The following NRG1 variants were observed in gnomAD, a reference collection of about 807,000 sequenced individuals.
The protein encoded by NRG1 is pro-neuregulin-1, membrane-bound isoform.
NRG1 carries 18 observed loss-of-function variants against 63.8 expected under a neutral mutation model. The ratio of observed to expected loss-of-function variants is 0.28; its 90% confidence interval spans 0.19 to 0.42. The LOEUF (loss-of-function observed/expected upper bound fraction) is 0.42. Among genes scored for constraint, NRG1 ranks in the 10% least tolerant of loss-of-function variants. The probability of loss-of-function intolerance (pLI) is 1.00; values close to 1 mark genes in which losing one functional copy is unlikely to be tolerated. For synonymous variants in NRG1, 302 were observed against 301.3 expected (o/e 1.00, Z -0.02); for missense variants, 762 against 814.7 (o/e 0.94, Z 0.79).
intron 1 of NRG1, among the ~76,000 whole-genome samples, chr8:32,117,856 C>T (rs539486517): frequency 2.6e-5 from 4 of 152,110 alleles, no homozygotes; most frequent in South Asian, 2.1e-4. Flanking sequence ...AATATGCTTC[C>T]GGAAAAAAAG....
chr8:31,803,199 C>A (rs995741812), intron 1 of NRG1, among the ~76,000 whole-genome samples: 2 of 152,036 alleles, frequency 1.3e-5, no homozygotes, highest in African/African-American at 4.8e-5. Context: ...CTATTTTCTC[C>A]AAATGTTGAG....
intron 1 of NRG1, among the ~76,000 whole-genome samples, chr8:32,367,929 T>A (rs1808298673): frequency 1.3e-5 from 2 of 152,184 alleles, no homozygotes; most frequent in African/African-American, 4.8e-5. Flanking sequence ...GAAGAGACCA[T>A]CCTTTCCTCA....
chr8:31,844,147 A>G (rs2129608138), intron 1 of NRG1, among the ~76,000 whole-genome samples: 1 of 152,316 alleles, frequency 6.6e-6, no homozygotes, highest in East Asian at 1.9e-4. Flanking sequence ...GCCAGGTCCT[A>G]ACCCAAATGC....
chr8:31,674,163 T>C (rs1404963869), intron 1 of NRG1, among the ~76,000 whole-genome samples: 1 of 152,200 alleles, frequency 6.6e-6, no homozygotes, highest in Non-Finnish European at 1.5e-5. Context: ...CTACATTTTA[T>C]TTATCCATTT....
At chr8:32,030,586 G>A (rs886873682) in intron 1 of NRG1, 1 of 151,882 alleles carries the variant, frequency 6.6e-6, no homozygotes, top group Non-Finnish European at 1.5e-5. Context: ...ACCTATTAAA[G>A]AATACTCCAT....
intron 1 of NRG1, among the ~76,000 whole-genome samples, chr8:31,732,914 A>C (rs1814246431): frequency 6.6e-6 from 1 of 152,086 alleles, no homozygotes; most frequent in African/African-American, 2.4e-5. Context: ...AACAAAAAAC[A>C]AGTATATTGT....
intron 1 of NRG1, among the ~76,000 whole-genome samples, chr8:31,986,206 C>G (rs1810038539): frequency 6.6e-6 from 1 of 151,952 alleles, no homozygotes; most frequent in Admixed American, 6.6e-5. Flanking sequence ...GTAGATTTCT[C>G]AGATAAGTTG....
At chr8:32,736,838 A>G (rs1044837443) in intron 6 of NRG1, among the ~76,000 whole-genome samples, 5 of 152,190 alleles carry the variant, frequency 3.3e-5, no homozygotes, top group Non-Finnish European at 7.3e-5. Flanking sequence ...AGCCAACCCT[A>G]ACTAGAAGTT....
chr8:31,676,470 A>G (rs1807711500), intron 1 of NRG1, among the ~76,000 whole-genome samples: 1 of 152,032 alleles, frequency 6.6e-6, no homozygotes, highest in African/African-American at 2.4e-5. Flanking sequence ...TTTCCATTTC[A>G]TTCCCTATGG....
intron 1 of NRG1, among the ~76,000 whole-genome samples, chr8:31,982,655 C>G (rs1278784132): frequency 1.3e-5 from 2 of 151,984 alleles, no homozygotes; most frequent in East Asian, 3.9e-4. Context: ...GATGTGATGG[C>G]AAAAGGAACA....
chr8:32,181,791 G>T (rs1585897646), intron 1 of NRG1, among the ~76,000 whole-genome samples: 1 of 152,046 alleles, frequency 6.6e-6, no homozygotes, highest in Admixed American at 6.5e-5. Context: ...AGATAAAAAT[G>T]TATTACAGAG....
chr8:32,181,858 G>C (rs573238045), intron 1 of NRG1, among the ~76,000 whole-genome samples: 3 of 152,156 alleles, frequency 2.0e-5, no homozygotes, highest in South Asian at 2.1e-4. Context: ...ACTGGCAATG[G>C]AATATTAGTT....
intron 1 of NRG1, among the ~76,000 whole-genome samples, chr8:32,397,177 C>T (rs1812544926): frequency 6.6e-6 from 1 of 152,008 alleles, no homozygotes; most frequent in Non-Finnish European, 1.5e-5. Flanking sequence ...ATATCTAATG[C>T]CTGGAAAGCT....
intron 1 of NRG1, among the ~76,000 whole-genome samples, chr8:32,109,118 C>G (rs1179675046): frequency 6.6e-6 from 1 of 152,178 alleles, no homozygotes; most frequent in Non-Finnish European, 1.5e-5. Context: ...ACTTAAGTGT[C>G]TGCCAATTGC....
At position 31,640,422 on chromosome 8, in the gene NRG1, C is replaced by T. The variant is rs776962059; in HGVS notation, c.37+991C>T. On this transcript the variant is annotated intron_variant, in intron 1 of 10. Coordinates refer to the NRG1 transcript ENST00000519301. The surrounding 1 kb of genome is among the most constrained non-coding windows in gnomAD (Gnocchi z 6.3). ...GGACCGTGCCCTCTTGGCCCACCGC[C>T]CCGGTGCCCAGCGCCGGCGAGCCCG... 19 of 1,499,974 alleles carry T rather than the reference C, an allele frequency of 1.3e-5. No homozygotes were observed. The South Asian group carries it at 2.3e-4, about 18-fold the overall frequency. 92.9% of individuals were successfully genotyped at this position (1,499,974 alleles called of 1,614,324 possible).
chr8:31,919,555 A>C (rs1258819162), intron 1 of NRG1, among the ~76,000 whole-genome samples: 1 of 152,118 alleles, frequency 6.6e-6, no homozygotes, highest in Non-Finnish European at 1.5e-5. Flanking sequence ...ATAGATTTTA[A>C]GGAGGCAGCT....
intron 1 of NRG1, among the ~76,000 whole-genome samples, chr8:32,114,138 A>G (rs1286340714): frequency 1.3e-5 from 2 of 152,372 alleles, no homozygotes; most frequent in East Asian, 3.9e-4. Flanking sequence ...GTTTACACCT[A>G]GACAGGCCCA....
At chr8:31,690,847 A>T (rs900270033) in intron 1 of NRG1, among the ~76,000 whole-genome samples, 2 of 152,196 alleles carry the variant, frequency 1.3e-5, no homozygotes, top group African/African-American at 2.4e-5. Context: ...TGGGCCTGTT[A>T]TAAAGTTGAG....
rs540971950 is a variant in NRG1 at position 32,604,355 on chromosome 8, T to C, written c.279-1207T>C. Among the ~76,000 whole-genome samples, 11 of 152,316 alleles carry C rather than the reference T, an allele frequency of 7.2e-5. No individual in the cohort carries two copies. In the South Asian group the frequency reaches 1.2e-3, roughly 17 times the overall value. On this transcript the variant is annotated intron_variant, in intron 2 of 11. Transcript: ENST00000356819. ...GACTGGAGGATACTAGTAGGAATTA[T>C]ATTTGGAACAATTGATTTTTCTCAG... is the stretch of plus-strand genomic sequence containing the variant.
Sources: allele counts gnomAD v4.1 joint callset (sites outside exome capture counted in the v4.1 genomes callset), GRCh38; gene constraint gnomAD v4.1.1; non-coding constraint Gnocchi (gnomAD v3.1); transcripts MANE v1.5; gene names NCBI Gene and HGNC (gene_info 2026-07-23, HGNC 2026-07-21).